The following CSRNP3 variants were observed in gnomAD, a reference collection of about 807,000 sequenced individuals.
The protein encoded by CSRNP3 is cysteine/serine-rich nuclear protein 3.
In CSRNP3, 12 loss-of-function variants were observed where a neutral mutation model predicts 48.0. That is an observed-to-expected ratio of 0.25 (90% CI 0.16 to 0.41). The LOEUF is 0.41. Ranked by LOEUF, CSRNP3 falls within the 10% of genes least tolerant of loss-of-function variation. CSRNP3 has a pLI of 1.00. For missense variants in CSRNP3, 580 were observed against 724.4 expected, an observed-to-expected ratio of 0.80 and a Z score of 2.29; for synonymous variants, 263 against 269.7, an observed-to-expected ratio of 0.98 and a Z score of 0.24.
At chr2:165,654,776 T>A (rs1198166352) in intron 4 of CSRNP3, among the ~76,000 whole-genome samples, 2 of 152,142 alleles carry the variant, frequency 1.3e-5, no homozygotes, top group Admixed American at 1.3e-4. Context: ...ATTGCAGGCG[T>A]GAGCCACCCT....
At chr2:165,499,430 CAGTT>C (rs545977837) in intron 2 of CSRNP3, among the ~76,000 whole-genome samples, 52 of 152,174 alleles carry the variant, frequency 3.4e-4, no homozygotes, top group African/African-American at 9.2e-4. Context: ...GAGAGAGAGA[CAGTT>C]GGTGCGATTT....
chr2:165,515,836 T>C (rs1395781946), intron 2 of CSRNP3, among the ~76,000 whole-genome samples: 2 of 144,132 alleles, frequency 1.4e-5, no homozygotes, highest in South Asian at 2.2e-4. Context: ...GACAGGGTCT[T>C]GCTCTGTCAC....
intron 3 of CSRNP3, among the ~76,000 whole-genome samples, chr2:165,529,144 G>C (rs1025003103): frequency 3.9e-5 from 6 of 152,222 alleles, no homozygotes; most frequent in African/African-American, 1.4e-4. Flanking sequence ...ATCAGAATGA[G>C]ATATTGCCTC....
intron 4 of CSRNP3, among the ~76,000 whole-genome samples, chr2:165,624,617 A>C (rs938541958): frequency 6.6e-6 from 1 of 151,974 alleles, no homozygotes; most frequent in East Asian, 1.9e-4. Context: ...TTCTACACAA[A>C]AGCTGCCTGG....
intron 5 of CSRNP3, among the ~76,000 whole-genome samples, chr2:165,671,250 T>G (rs1183606643): frequency 3.9e-5 from 6 of 152,164 alleles, no homozygotes; most frequent in Admixed American, 6.5e-5. Flanking sequence ...ATGATTCTAT[T>G]TGAGATAGAA....
intron 3 of CSRNP3, among the ~76,000 whole-genome samples, chr2:165,591,924 A>G (rs761349372): frequency 6.6e-6 from 1 of 151,898 alleles, no homozygotes; most frequent in Non-Finnish European, 1.5e-5. Context: ...GGCACTGCCT[A>G]GTGGAACTGT....
intron 4 of CSRNP3, among the ~76,000 whole-genome samples, chr2:165,616,359 A>G (rs56381833): frequency 0.15 from 22,409 of 152,082 alleles, 1,918 homozygotes; most frequent in East Asian, 0.35. Context: ...CTGCTGTACC[A>G]GTACATTTTA....
At chr2:165,481,107 A>G (rs1684036963) in intron 1 of CSRNP3, among the ~76,000 whole-genome samples, 1 of 152,182 alleles carries the variant, frequency 6.6e-6, no homozygotes. Flanking sequence ...ATCATGGCCT[A>G]GTTATTCAAT....
Position 165,514,543 on chromosome 2 carries a change from A to C in CSRNP3, c.-112-3330A>C, listed in dbSNP as rs1249413976. Among the ~76,000 whole-genome samples, 3 of 152,374 alleles carry C rather than the reference A, an allele frequency of 2.0e-5. No homozygotes were observed. In the East Asian group the frequency reaches 5.8e-4, roughly 29 times the overall value. On this transcript the variant is annotated intron_variant, in intron 2 of 6. Transcript: ENST00000651982. ...GTGTGCACACATACTTTGTTTTAACACAGTCTTACACAGTCAGTGTCCCCA... is the reference window on the plus strand; with the variant it reads ...GTGTGCACACATACTTTGTTTTAACCCAGTCTTACACAGTCAGTGTCCCCA...
chr2:165,600,850 A>G (rs1449826986), intron 4 of CSRNP3, among the ~76,000 whole-genome samples: 1 of 152,218 alleles, frequency 6.6e-6, no homozygotes, highest in African/African-American at 2.4e-5. Flanking sequence ...TATAAGCACT[A>G]ACATATTGTG....
intron 1 of CSRNP3, among the ~76,000 whole-genome samples, chr2:165,470,355 GC>G (rs1683877096): frequency 6.6e-6 from 1 of 152,022 alleles, no homozygotes. Context: ...CAAACTTTAA[GC>G]TTATGTGATA....
chr2:165,521,056 C>G (rs1684654836), intron 3 of CSRNP3, among the ~76,000 whole-genome samples: 2 of 150,444 alleles, frequency 1.3e-5, no homozygotes, highest in Non-Finnish European at 2.9e-5. Context: ...GAGGGCCTTT[C>G]TTAATTTAAC....
In CSRNP3 at chr2:165,514,270, G is replaced by A. The variant is rs76972300; in HGVS notation, c.-112-3603G>A. On this transcript the variant is annotated intron_variant, in intron 2 of 6. Coordinates refer to ENST00000651982, the MANE Select transcript of CSRNP3 (RefSeq NM_001172173.2). ...CCATAGGGCGTGGATCCCACTCACA[G>A]GTGGTATGAAAAGGCAGTGTTGAGG... 4.8e-3 allele frequency among the ~76,000 whole-genome samples: 728 copies of A among 152,354 alleles called. 17 individuals carry two copies. The highest frequency in any genetic ancestry group is 0.038 in the East Asian group (195 of 5,176).
At position 165,591,683 on chromosome 2, in the gene CSRNP3, A is replaced by G. The variant is rs75569620; in HGVS notation, c.-23-3360A>G. Among the ~76,000 whole-genome samples the G allele has an allele frequency of 2.3e-3, 349 of 152,314 alleles. 1 individual carries two copies. The highest frequency in any genetic ancestry group is 8.0e-3 in the African/African-American group (333 of 41,570). On this transcript the variant is annotated intron_variant, in intron 3 of 6. Transcript: ENST00000651982. The stretch of plus-strand genomic sequence containing the variant: ...GTACAGCTCAGGCCATTATTTTAGA[A>G]GGTGCAAGCCCAAAGCCATGGTGGT...
chr2:165,589,393 T>C (rs1017306511), intron 3 of CSRNP3, among the ~76,000 whole-genome samples: 1 of 152,204 alleles, frequency 6.6e-6, no homozygotes, highest in African/African-American at 2.4e-5. Context: ...TATAGTCACA[T>C]AGGGAATATT....
chr2:165,506,470 G>A (rs1277315017), intron 2 of CSRNP3, among the ~76,000 whole-genome samples: 1 of 152,060 alleles, frequency 6.6e-6, no homozygotes, highest in East Asian at 1.9e-4. Context: ...ATCTTCTCAT[G>A]ATTCAGGCCT....
intron 4 of CSRNP3, among the ~76,000 whole-genome samples, chr2:165,620,640 T>G (rs1686323487): frequency 6.6e-6 from 1 of 152,170 alleles, no homozygotes; most frequent in Admixed American, 6.5e-5. Flanking sequence ...AAAATGTTCA[T>G]TTTGTGGCTG....
chr2:165,679,922 G>A lies in CSRNP3; in HGVS notation c.*169G>A. On this transcript the variant is annotated 3_prime_UTR_variant, in exon 7 of 7. Coordinates refer to ENST00000651982, the MANE Select transcript of CSRNP3 (RefSeq NM_001172173.2). ...TTTCTAGCCACATGACTGTGGCATTGCACAAATACAGTCTCTGTAGGGATT... is the reference window on the plus strand; with the variant it reads ...TTTCTAGCCACATGACTGTGGCATTACACAAATACAGTCTCTGTAGGGATT... 2.3e-6 allele frequency: 2 copies of A among 874,282 alleles called. No individual in the cohort carries two copies. Among genetic ancestry groups the A allele is most frequent in the Non-Finnish European group, 3.5e-6 (2 of 572,838 alleles). 54.2% of individuals were successfully genotyped at this position (874,282 alleles called of 1,614,324 possible).
intron 1 of CSRNP3, among the ~76,000 whole-genome samples, chr2:165,473,539 A>G (rs932275781): frequency 6.6e-6 from 1 of 152,128 alleles, no homozygotes; most frequent in African/African-American, 2.4e-5. Context: ...TCACAACTCA[A>G]AGGTATTATT....
Sources: allele counts gnomAD v4.1 joint callset (sites outside exome capture counted in the v4.1 genomes callset), GRCh38; gene constraint gnomAD v4.1.1; transcripts MANE v1.5; gene names NCBI Gene and HGNC (gene_info 2026-07-23, HGNC 2026-07-21).